Variants in GRM5 observed in about 807,000 individuals in gnomAD.
GRM5 encodes the protein metabotropic glutamate receptor 5.
A neutral mutation model predicts 83.1 loss-of-function variants in GRM5; 19 were observed. That is an observed-to-expected ratio of 0.23 (90% CI 0.16 to 0.34). GRM5 has a LOEUF of 0.34. Ranked by LOEUF, GRM5 falls within the 10% of genes least tolerant of loss-of-function variation. The pLI is 1.00. For missense variants in GRM5, 1,160 were observed against 1,588.3 expected (o/e 0.73, Z 4.58); for synonymous variants, 675 against 633.6 (o/e 1.07, Z -0.98).
At chr11:89,000,761 A>G (rs749814829) in intron 2 of GRM5, among the ~76,000 whole-genome samples, 5 of 152,112 alleles carry the variant, frequency 3.3e-5, no homozygotes, top group Non-Finnish European at 7.4e-5. Context: ...AAGAAAATCA[A>G]CAAAAAATAA....
At chr11:88,589,805 C>T (rs1565350793) in intron 7 of GRM5, among the ~76,000 whole-genome samples, 1 of 152,020 alleles carries the variant, frequency 6.6e-6, no homozygotes, top group Non-Finnish European at 1.5e-5. Flanking sequence ...TACTTTTTTG[C>T]CTCCTTTATT....
At chr11:88,877,690 G>A (rs1246452593) in intron 2 of GRM5, among the ~76,000 whole-genome samples, 1 of 151,934 alleles carries the variant, frequency 6.6e-6, no homozygotes, top group Non-Finnish European at 1.5e-5. Flanking sequence ...GGGCATGGTG[G>A]CACATGCCTG....
At chr11:88,872,722 T>C (rs552668823) in intron 2 of GRM5, among the ~76,000 whole-genome samples, 3 of 151,166 alleles carry the variant, frequency 2.0e-5, no homozygotes, top group South Asian at 2.1e-4. Flanking sequence ...TTGTGAGGTA[T>C]TGAATAAAAA....
Position 88,907,834 on chromosome 11 carries a change from C to CAT in GRM5, c.662-57681_662-57680dup, listed in dbSNP as rs200280570. 6.6e-3 allele frequency among the ~76,000 whole-genome samples: 1,007 copies of CAT among 152,152 alleles called. 11 individuals carry two copies. The highest frequency in any genetic ancestry group is 0.022 in the African/African-American group (907 of 41,526). On this transcript the variant is annotated intron_variant, in intron 2 of 9. Coordinates refer to ENST00000305447, the MANE Select transcript of GRM5 (RefSeq NM_001143831.3). ...AGATTTAAATAAAATTGTTTATTCT[C>CAT]ATATATATATTTATAGAATCTCATA...
chr11:88,614,292 C>A (rs999774809), intron 4 of GRM5, among the ~76,000 whole-genome samples: 3 of 152,110 alleles, frequency 2.0e-5, no homozygotes, highest in Non-Finnish European at 4.4e-5. Flanking sequence ...CCTTCTTTTA[C>A]AAGGATAATA....
chr11:88,724,928 G>C (rs1404476599), intron 3 of GRM5, among the ~76,000 whole-genome samples: 2 of 152,162 alleles, frequency 1.3e-5, no homozygotes, highest in Non-Finnish European at 2.9e-5. Context: ...ATTCCCTCAG[G>C]TGCCTATGCC....
chr11:88,872,392 T>C (rs1944784453), intron 2 of GRM5, among the ~76,000 whole-genome samples: 1 of 151,514 alleles, frequency 6.6e-6, no homozygotes, highest in Non-Finnish European at 1.5e-5. Context: ...AAAAGATAAA[T>C]TCATTATAAC....
intron 2 of GRM5, among the ~76,000 whole-genome samples, chr11:88,979,521 G>A (rs1201470825): frequency 6.6e-6 from 1 of 152,082 alleles, no homozygotes; most frequent in Non-Finnish European, 1.5e-5. Context: ...TATCTTATTT[G>A]TGTCAAGACT....
intron 3 of GRM5, among the ~76,000 whole-genome samples, chr11:88,833,874 A>G (rs1377840075): frequency 1.3e-5 from 2 of 152,206 alleles, no homozygotes; most frequent in African/African-American, 4.8e-5. Context: ...GCACAGAAAG[A>G]CAAATATTAC....
At chr11:88,520,359 G>T (rs749598030) in intron 9 of GRM5, among the ~76,000 whole-genome samples, 8 of 152,122 alleles carry the variant, frequency 5.3e-5, no homozygotes, top group African/African-American at 1.4e-4. Context: ...GTACTGGAAA[G>T]GCAGAATCTT....
At chr11:88,531,813 T>G (rs112663913) in intron 8 of GRM5, among the ~76,000 whole-genome samples, 1,930 of 152,130 alleles carry the variant, frequency 0.013, 43 homozygotes, top group African/African-American at 0.044. Context: ...TAAAATTGTC[T>G]TAAAAAATAA....
chr11:88,594,954 T>A (rs1937758596), intron 6 of GRM5, among the ~76,000 whole-genome samples: 1 of 152,156 alleles, frequency 6.6e-6, no homozygotes, highest in African/African-American at 2.4e-5. Flanking sequence ...CTGCCCTAAC[T>A]CCCTTTTTAT....
At chr11:88,974,270 G>A (rs1447491280) in intron 2 of GRM5, among the ~76,000 whole-genome samples, 1 of 152,086 alleles carries the variant, frequency 6.6e-6, no homozygotes, top group African/African-American at 2.4e-5. Flanking sequence ...CTGTGAAGGT[G>A]GGCATTTGCC....
chr11:88,921,791 A>G (rs1338626201), intron 2 of GRM5, among the ~76,000 whole-genome samples: 1 of 152,164 alleles, frequency 6.6e-6, no homozygotes, highest in Admixed American at 6.5e-5. Flanking sequence ...TGGCTTCTAA[A>G]TTGTAAAAGA....
intron 2 of GRM5, among the ~76,000 whole-genome samples, chr11:88,953,912 A>G (rs761505785): frequency 6.6e-6 from 1 of 152,216 alleles, no homozygotes; most frequent in African/African-American, 2.4e-5. Context: ...CTAAATGTGC[A>G]TGTCTTCTGA....
At position 88,543,909 on chromosome 11, in the gene GRM5, C is replaced by T. The variant is rs562093622; in HGVS notation, c.2631-18505G>A. 3.3e-5 allele frequency among the ~76,000 whole-genome samples: 5 copies of T among 152,006 alleles called. No homozygotes were observed. The South Asian group carries it at 8.3e-4, about 25-fold the overall frequency. On this transcript the variant is annotated intron_variant, in intron 8 of 9. Coordinates refer to ENST00000305447, the MANE Select transcript of GRM5 (RefSeq NM_001143831.3). Reference sequence around the variant, plus strand: ...GTTCACGTGTTGAAAACTTAATTGCCGTGTAACAGTATTAAGAGGTGGGAC... The same window carrying T: ...GTTCACGTGTTGAAAACTTAATTGCTGTGTAACAGTATTAAGAGGTGGGAC...
rs914188684 is a variant in GRM5 at position 88,525,179 on chromosome 11, G to C, written c.2726+130C>G. 3 of 662,196 alleles carry C rather than the reference G, an allele frequency of 4.5e-6. No individual in the cohort carries two copies. The African/African-American group carries it at 5.4e-5, about 12-fold the overall frequency. The allele number at this position is 662,196 out of a possible 1,614,324, so 41.0% of individuals were successfully genotyped here. ...CAAATCAAACACACATAGAAAACCA[G>C]TAGTAGCCTGGGTTGGACACACTGT... On this transcript the variant is annotated intron_variant, in intron 9 of 9. Coordinates refer to ENST00000305447, the MANE Select transcript of GRM5 (RefSeq NM_001143831.3).
intron 3 of GRM5, among the ~76,000 whole-genome samples, chr11:88,666,997 T>C (rs1169595532): frequency 6.6e-6 from 1 of 152,114 alleles, no homozygotes. Context: ...ATAGAGTGAA[T>C]TTAAATACAA....
At position 88,522,671 on chromosome 11, in the gene GRM5, G is replaced by A. The variant is rs76144135; in HGVS notation, c.2726+2638C>T. Among the ~76,000 whole-genome samples the A allele has an allele frequency of 6.3e-4, 95 of 149,868 alleles. 1 individual carries two copies. Among genetic ancestry groups the A allele is most frequent in the African/African-American group, 2.3e-3 (94 of 40,902 alleles). ...AGTTTTTATATAGTGCTAAAGAAATGAGAAGGAAGAGATACTAGGAAGGGA... is the reference window on the plus strand; with the variant it reads ...AGTTTTTATATAGTGCTAAAGAAATAAGAAGGAAGAGATACTAGGAAGGGA... On this transcript the variant is annotated intron_variant, in intron 9 of 9. Coordinates refer to ENST00000305447, the MANE Select transcript of GRM5 (RefSeq NM_001143831.3).
Sources: gnomAD v4.1 joint callset for allele counts (sites outside exome capture counted in the v4.1 genomes callset) on GRCh38, gnomAD v4.1.1 for gene constraint, MANE v1.5 for transcripts, NCBI Gene and HGNC (gene_info 2026-07-23, HGNC 2026-07-21) for gene names.